The following SIAE variants were observed in gnomAD, a reference collection of about 807,000 sequenced individuals.
SIAE encodes sialate O-acetylesterase.
SIAE carries 39 observed loss-of-function variants against 52.6 expected under a neutral mutation model. The ratio of observed to expected loss-of-function variants is 0.74; its 90% CI spans 0.57 to 0.97. SIAE has a LOEUF of 0.97. Among genes scored for constraint, SIAE ranks in the 50% least tolerant of loss-of-function variants. SIAE has a pLI of 0.00. For missense variants in SIAE, 592 were observed against 662.1 expected (o/e 0.89, Z 1.16); for synonymous variants, 233 against 241.4 (o/e 0.97, Z 0.32).
chr11:124,647,025 G>C (rs1942945327), intron 7 of SIAE, among the ~76,000 whole-genome samples: 1 of 152,166 alleles, frequency 6.6e-6, no homozygotes, highest in South Asian at 2.1e-4. Flanking sequence ...ATGAGCAGAA[G>C]ACAGCTGCTT....
chr11:124,647,768 G>A (rs769802633), intron 6 of SIAE, among the ~76,000 whole-genome samples: 11 of 152,136 alleles, frequency 7.2e-5, no homozygotes, highest in Non-Finnish European at 2.9e-5. Context: ...CTTGCTGAAG[G>A]ATAAGAGGTC....
intron 2 of SIAE, among the ~76,000 whole-genome samples, chr11:124,668,706 A>C (rs1490956442): frequency 1.3e-5 from 2 of 152,232 alleles, no homozygotes; most frequent in African/African-American, 4.8e-5. Context: ...AGCCGTATAA[A>C]TGACAGAATC....
At chr11:124,659,259 C>T (rs548289719) in intron 3 of SIAE, 2 of 152,318 alleles carry the variant, frequency 1.3e-5, no homozygotes, top group African/African-American at 4.8e-5. Context: ...TCTGTGCAAA[C>T]AGGGAACTGC....
At chr11:124,658,577 C>T (rs902953270) in intron 3 of SIAE, among the ~76,000 whole-genome samples, 3 of 152,164 alleles carry the variant, frequency 2.0e-5, no homozygotes, top group African/African-American at 4.8e-5. Flanking sequence ...ACTTAGGAGG[C>T]GACAGATGAA....
intron 7 of SIAE, among the ~76,000 whole-genome samples, chr11:124,643,162 G>C (rs1942875703): frequency 6.6e-6 from 1 of 152,230 alleles, no homozygotes; most frequent in African/African-American, 2.4e-5. Context: ...AGCAGGAAAA[G>C]AACTTTCCAT....
chr11:124,644,239 CT>C (rs1171053176), intron 7 of SIAE, among the ~76,000 whole-genome samples: 1 of 150,912 alleles, frequency 6.6e-6, no homozygotes, highest in Non-Finnish European at 1.5e-5. Flanking sequence ...AATAAAAAAT[CT>C]ATTAAGTCAC....
intron 7 of SIAE, among the ~76,000 whole-genome samples, chr11:124,646,532 G>C (rs778543294): frequency 5.9e-5 from 9 of 151,684 alleles, no homozygotes; most frequent in Non-Finnish European, 1.3e-4. Context: ...CAGGGAGTGA[G>C]AGAGCACGGT....
At chr11:124,655,718 C>A (rs942841985) in intron 3 of SIAE, among the ~76,000 whole-genome samples, 1 of 152,142 alleles carries the variant, frequency 6.6e-6, no homozygotes, top group African/African-American at 2.4e-5. Context: ...CACACCCCCC[C>A]ACACCAAACC....
chr11:124,659,735 T>A (rs1314893227), intron 3 of SIAE: 1 of 151,666 alleles, frequency 6.6e-6, no homozygotes, highest in Admixed American at 6.6e-5. Flanking sequence ...ATGCAAGAAT[T>A]TAAATTCTAA....
At chr11:124,651,417 G>A (rs76124858) in intron 4 of SIAE, among the ~76,000 whole-genome samples, 2 of 151,990 alleles carry the variant, frequency 1.3e-5, no homozygotes, top group African/African-American at 4.8e-5. Flanking sequence ...GTGTGGTGGC[G>A]CACACCTTTA....
upstream of SIAE, chr11:124,675,172 C>T (rs775452677): frequency 2.8e-4 from 400 of 1,445,946 alleles, no homozygotes; most frequent in Non-Finnish European, 3.5e-4. Flanking sequence ...AATTTGTTGG[C>T]ATAGTTGTGA....
At position 124,636,042 on chromosome 11, in the gene SIAE, A is replaced by AGAT. The variant is rs1942731215; in HGVS notation, c.*906_*908dup. 1 of 152,076 alleles carries AGAT rather than the reference A, an allele frequency of 6.6e-6. No individual in the cohort carries two copies. The highest frequency in any genetic ancestry group is 2.1e-4 in the South Asian group (1 of 4,828). 9.4% of individuals were successfully genotyped at this position (152,076 alleles called of 1,614,324 possible). ...AAACCTTTTACCTTTAAAGAGCCTG[A>AGAT]GATTTATATTTAACTCGAACAACAG... On this transcript the variant is annotated 3_prime_UTR_variant, in exon 10 of 10. Coordinates refer to ENST00000263593, the MANE Select transcript of SIAE (RefSeq NM_170601.5).
intron 3 of SIAE, among the ~76,000 whole-genome samples, chr11:124,655,174 C>CTTTTTTTTTTTTTTT (rs766294261): frequency 7.4e-6 from 1 of 135,086 alleles, no homozygotes; most frequent in African/African-American, 3.0e-5. Context: ...TTAACTTCTT[C>CTTTTTTTTTTTTTTT]TTTTTTTTTT....
chr11:124,657,706 G>C (rs1047017113), intron 3 of SIAE, among the ~76,000 whole-genome samples: 1 of 152,206 alleles, frequency 6.6e-6, no homozygotes, highest in African/African-American at 2.4e-5. Flanking sequence ...AAGCCACAGA[G>C]AGTGTCAGCA....
chr11:124,646,653 T>C (rs1052647121), intron 7 of SIAE, among the ~76,000 whole-genome samples: 7 of 152,334 alleles, frequency 4.6e-5, no homozygotes, highest in African/African-American at 1.7e-4. Flanking sequence ...ATGAATTTCT[T>C]CAGAGAAATC....
intron 9 of SIAE, among the ~76,000 whole-genome samples, 186 bp from the exon 10 acceptor site, chr11:124,637,388 A>G (rs1435574921): frequency 6.6e-6 from 1 of 152,230 alleles, no homozygotes; most frequent in East Asian, 1.9e-4. Context: ...CAGGTTGATA[A>G]TACATGTTCA....
chr11:124,662,716 C>T (rs1943206135), intron 2 of SIAE, among the ~76,000 whole-genome samples: 3 of 152,226 alleles, frequency 2.0e-5, no homozygotes, highest in Admixed American at 1.3e-4. Context: ...CATCAAGACC[C>T]GAGCCTTGTT....
At chr11:124,674,216 ACCC>A (rs1259473042), upstream of SIAE, 2 of 151,670 alleles carry the variant, frequency 1.3e-5, no homozygotes, top group Non-Finnish European at 2.9e-5. Flanking sequence ...ATGGTTCGAT[ACCC>A]CCATCTACTG....
intron 4 of SIAE, among the ~76,000 whole-genome samples, chr11:124,652,078 G>A (rs1481343212): frequency 6.6e-6 from 1 of 152,178 alleles, no homozygotes; most frequent in Non-Finnish European, 1.5e-5. Flanking sequence ...GATTATAAAA[G>A]AGAACAGTGG....
Sources: gnomAD v4.1 joint callset for allele counts (sites outside exome capture counted in the v4.1 genomes callset) on GRCh38, gnomAD v4.1.1 for gene constraint, MANE v1.5 for transcripts, NCBI Gene and HGNC (gene_info 2026-07-23, HGNC 2026-07-21) for gene names.